Variants in PDS5A observed in about 807,000 individuals in gnomAD.
PDS5A encodes the protein sister chromatid cohesion protein PDS5 homolog A.
In PDS5A, 42 loss-of-function variants were observed where a neutral mutation model predicts 167.1. The observed-to-expected ratio is 0.25, with a 90% CI of 0.20 to 0.33. The LOEUF is 0.33. PDS5A is among the 10% of genes least tolerant of loss of function. The pLI is 1.00. For synonymous variants in PDS5A, 553 were observed against 554.6 expected, an observed-to-expected ratio of 1.00 and a Z score of 0.04; for missense variants, 1,033 against 1,605.9, an observed-to-expected ratio of 0.64 and a Z score of 6.10.
In PDS5A at chr4:39,956,675, T is replaced by C. The variant is rs577568985; in HGVS notation, c.138+19765A>G. Among the ~76,000 whole-genome samples, 14 of 150,972 alleles carry C rather than the reference T, an allele frequency of 9.3e-5. No homozygotes were observed. In the South Asian group the frequency reaches 3.0e-3, roughly 32 times the overall value. ...CTTCAAGAAGAAAGACAGATTTTCTTACTTTTTTTTTTTTGGAGACAGGTT... is the reference window on the plus strand; with the variant it reads ...CTTCAAGAAGAAAGACAGATTTTCTCACTTTTTTTTTTTTGGAGACAGGTT... On this transcript the variant is annotated intron_variant, in intron 2 of 32. Transcript: ENST00000303538.
In PDS5A at chr4:39,923,638, AACACAC is replaced by A. The variant is rs10664167; in HGVS notation, c.528-896_528-891del. 4.5e-3 allele frequency among the ~76,000 whole-genome samples: 567 copies of A among 125,292 alleles called. 1 individual carries two copies. Among genetic ancestry groups the A allele is most frequent in the African/African-American group, 0.014 (502 of 36,454 alleles). 82.2% of individuals were successfully genotyped at this position (125,292 alleles called of 152,430 possible). A position where few individuals can be genotyped will look rare whatever the true frequency, so the allele number is the denominator to read the frequency against. Reference sequence around the variant, plus strand: ...GGGACAGACCAAGACCCTGTCTCAAAACACACACACACACACACACACACACACACA... The same window carrying A: ...GGGACAGACCAAGACCCTGTCTCAAAACACACACACACACACACACACACA... On this transcript the variant is annotated intron_variant, in intron 5 of 32. Coordinates refer to ENST00000303538, the MANE Select transcript of PDS5A (RefSeq NM_001100399.2).
intron 30 of PDS5A, among the ~76,000 whole-genome samples, chr4:39,844,432 G>A (rs1281120982): frequency 3.4e-5 from 5 of 149,028 alleles, no homozygotes; most frequent in Admixed American, 1.3e-4. Context: ...CCAAGATTGC[G>A]CCATTGCACT....
intron 7 of PDS5A, 73 bp downstream of exon 7, chr4:39,920,246 A>G (rs1724824882): frequency 1.6e-6 from 1 of 643,876 alleles, no homozygotes; most frequent in Non-Finnish European, 2.7e-6. Context: ...CTTTTATGTA[A>G]GAGGTTCTAA....
At chr4:39,830,892 T>A (rs1715800268) in intron 32 of PDS5A, among the ~76,000 whole-genome samples, 1 of 152,182 alleles carries the variant, frequency 6.6e-6, no homozygotes, top group South Asian at 2.1e-4. Flanking sequence ...AAAAGATGAG[T>A]AGAATTGGTC....
intron 2 of PDS5A, among the ~76,000 whole-genome samples, chr4:39,942,377 GCTC>G (rs1159985766): frequency 6.6e-6 from 1 of 152,144 alleles, no homozygotes; most frequent in African/African-American, 2.4e-5. Flanking sequence ...AATTGCTTCT[GCTC>G]CTCAATACAT....
intron 28 of PDS5A, chr4:39,847,647 T>C (rs1047600559): frequency 1.3e-5 from 2 of 152,118 alleles, no homozygotes; most frequent in African/African-American, 2.4e-5. Context: ...GAGAGCATAC[T>C]TTTGCAAATT....
chr4:39,923,197 G>C (rs1210453044), intron 5 of PDS5A, among the ~76,000 whole-genome samples: 3 of 151,554 alleles, frequency 2.0e-5, no homozygotes, highest in Non-Finnish European at 1.5e-5. Flanking sequence ...GCGTGGTGGC[G>C]GGCACCTGGA....
chr4:39,841,296 C>T (rs1393502835), intron 31 of PDS5A, among the ~76,000 whole-genome samples: 5 of 148,800 alleles, frequency 3.4e-5, no homozygotes, highest in Non-Finnish European at 7.5e-5. Flanking sequence ...CCTGCCACCA[C>T]GTCCAGTTAA....
intron 17 of PDS5A, among the ~76,000 whole-genome samples, chr4:39,880,915 C>CT (rs899674728): frequency 1.3e-5 from 2 of 152,042 alleles, no homozygotes; most frequent in African/African-American, 2.4e-5. Context: ...ATTTTGTATC[C>CT]TTTTTTGTAA....
In PDS5A at chr4:39,824,990, A is replaced by C. The variant is rs1183169351; in HGVS notation, c.*495T>G. The C allele has an allele frequency of 6.5e-6, 1 of 152,784 alleles. No homozygotes were observed. Among genetic ancestry groups the C allele is most frequent in the East Asian group, 1.9e-4 (1 of 5,202 alleles). 9.5% of individuals were successfully genotyped at this position (152,784 alleles called of 1,614,324 possible). On this transcript the variant is annotated 3_prime_UTR_variant, in exon 33 of 33. Coordinates refer to ENST00000303538, the MANE Select transcript of PDS5A (RefSeq NM_001100399.2). ...CAAAAGGAAAAACAAAGAAATATTT[A>C]ATCTGATCTCTTTTCTTTTAAAAAA... is the stretch of plus-strand genomic sequence containing the variant.
Position 39,972,820 on chromosome 4 carries a change from T to C in PDS5A, c.138+3620A>G, listed in dbSNP as rs570395088. Among the ~76,000 whole-genome samples, 9 of 152,224 alleles carry C rather than the reference T, an allele frequency of 5.9e-5. No individual in the cohort carries two copies. The East Asian group carries it at 1.5e-3, about 26-fold the overall frequency. On this transcript the variant is annotated intron_variant, in intron 2 of 32. Coordinates refer to ENST00000303538, the MANE Select transcript of PDS5A (RefSeq NM_001100399.2). ...ATTCCACAGTAAAGATTACAAGGAA[T>C]GCTTTAAATTTTTGTACTTTGCTGA... is the stretch of plus-strand genomic sequence containing the variant.
intron 32 of PDS5A, among the ~76,000 whole-genome samples, chr4:39,827,148 C>T (rs1031911034): frequency 1.3e-5 from 2 of 152,008 alleles, no homozygotes; most frequent in Non-Finnish European, 1.5e-5. Context: ...CTATAGGTTG[C>T]GCCCCCACGC....
chr4:39,963,874 G>C (rs1729730313), intron 2 of PDS5A, among the ~76,000 whole-genome samples: 1 of 151,872 alleles, frequency 6.6e-6, no homozygotes, highest in Non-Finnish European at 1.5e-5. Flanking sequence ...TCAAGAAATA[G>C]ATATATAAAT....
chr4:39,922,499 G>T, intron 6 of PDS5A, 123 bp downstream of exon 6: 1 of 742,762 alleles, frequency 1.3e-6, no homozygotes, highest in East Asian at 3.2e-5. Flanking sequence ...TATTTTATTT[G>T]AGGTGGAGAA....
intron 8 of PDS5A, among the ~76,000 whole-genome samples, chr4:39,915,367 T>G (rs75658609): frequency 1.7e-4 from 20 of 117,620 alleles, no homozygotes; most frequent in African/African-American, 6.6e-4. Flanking sequence ...TTTTTTTTTT[T>G]GGGTGAGACA....
At chr4:39,923,611 G>A (rs143333334) in intron 5 of PDS5A, among the ~76,000 whole-genome samples, 6 of 136,338 alleles carry the variant, frequency 4.4e-5, no homozygotes, top group African/African-American at 1.6e-4. Flanking sequence ...ACTCCAGCCT[G>A]GGGGACAGAC....
At chr4:39,868,785 A>G (rs1171759509) in intron 22 of PDS5A, 2 of 417,278 alleles carry the variant, frequency 4.8e-6, no homozygotes, top group South Asian at 3.5e-5. Context: ...TATTATATTT[A>G]TTGACAACCA....
chr4:39,850,596 A>G (rs1386157357), intron 26 of PDS5A, among the ~76,000 whole-genome samples: 2 of 152,248 alleles, frequency 1.3e-5, no homozygotes, highest in African/African-American at 2.4e-5. Flanking sequence ...TAAGCTATGC[A>G]GAAGTTCTAC....
intron 26 of PDS5A, among the ~76,000 whole-genome samples, chr4:39,859,038 C>A (rs903004472): frequency 6.6e-6 from 1 of 152,024 alleles, no homozygotes; most frequent in Admixed American, 6.6e-5. Flanking sequence ...AAATCATATA[C>A]CTGATAAGAG....
Sources: allele counts gnomAD v4.1 joint callset (sites outside exome capture counted in the v4.1 genomes callset), GRCh38; gene constraint gnomAD v4.1.1; transcripts MANE v1.5; gene names NCBI Gene and HGNC (gene_info 2026-07-23, HGNC 2026-07-21).